Variants in ATRNL1 observed in about 807,000 individuals in gnomAD.
ATRNL1 encodes the protein attractin like 1.
ATRNL1 carries 95 observed loss-of-function variants against 182.7 expected under a neutral mutation model. The ratio of observed to expected loss-of-function variants is 0.52; its 90% confidence interval spans 0.44 to 0.62. ATRNL1 has a LOEUF of 0.62. Among genes scored for constraint, ATRNL1 ranks in the 20% least tolerant of loss-of-function variants. The pLI is 0.00. For missense variants in ATRNL1, 1,471 were observed against 1,679.5 expected, an observed-to-expected ratio of 0.88 and a Z score of 2.17; for synonymous variants, 576 against 568.3, an observed-to-expected ratio of 1.01 and a Z score of -0.19.
At chr10:115,856,318 C>A (rs1951179942) in intron 28 of ATRNL1, among the ~76,000 whole-genome samples, 1 of 149,084 alleles carries the variant, frequency 6.7e-6, no homozygotes, top group Admixed American at 6.8e-5. Flanking sequence ...ATCCCAGCTA[C>A]TGGGGAGGCT....
At chr10:115,731,484 T>G (rs1034290684) in intron 27 of ATRNL1, among the ~76,000 whole-genome samples, 1 of 152,104 alleles carries the variant, frequency 6.6e-6, no homozygotes, top group African/African-American at 2.4e-5. Flanking sequence ...ATGCCTCTAT[T>G]TCTTTTGTAT....
At chr10:115,103,792 T>C (rs782146947) in intron 1 of ATRNL1, among the ~76,000 whole-genome samples, 24 of 152,222 alleles carry the variant, frequency 1.6e-4, no homozygotes, top group Non-Finnish European at 3.5e-4. Context: ...GAAAATGCAA[T>C]GTTTGTCTTT....
chr10:115,867,734 T>TTTC (rs1173318026), intron 28 of ATRNL1, among the ~76,000 whole-genome samples: 32 of 144,420 alleles, frequency 2.2e-4, no homozygotes, highest in Non-Finnish European at 4.4e-4. Flanking sequence ...CTGTGAATTT[T>TTTC]TTTTTTTTTT....
chr10:115,578,145 T>C (rs1734044864), intron 26 of ATRNL1, among the ~76,000 whole-genome samples: 2 of 151,802 alleles, frequency 1.3e-5, no homozygotes, highest in Non-Finnish European at 3.0e-5. Context: ...TGTTGTTGTA[T>C]TTAGTTTGCG....
At chr10:115,660,922 T>C (rs1860643487) in intron 26 of ATRNL1, among the ~76,000 whole-genome samples, 1 of 152,072 alleles carries the variant, frequency 6.6e-6, no homozygotes, top group African/African-American at 2.4e-5. Context: ...GTTTAAATGC[T>C]GATGGAGACA....
At chr10:115,225,161 TA>T (rs1170464014) in intron 9 of ATRNL1, among the ~76,000 whole-genome samples, 2 of 152,040 alleles carry the variant, frequency 1.3e-5, no homozygotes, top group Non-Finnish European at 2.9e-5. Context: ...TCAAAGAATA[TA>T]ATGTTACTTA....
chr10:115,921,368 T>C (rs781868730), intron 28 of ATRNL1, among the ~76,000 whole-genome samples: 3 of 152,154 alleles, frequency 2.0e-5, no homozygotes, highest in Non-Finnish European at 4.4e-5. Flanking sequence ...CTAAAATGTA[T>C]TAAAGGATAA....
chr10:115,547,706 T>C (rs1852748739), intron 25 of ATRNL1, among the ~76,000 whole-genome samples: 1 of 152,084 alleles, frequency 6.6e-6, no homozygotes, highest in South Asian at 2.1e-4. Flanking sequence ...CAAAACAAAA[T>C]GAAAGAAAGT....
At chr10:115,269,889 T>G (rs2133891521) in intron 13 of ATRNL1, among the ~76,000 whole-genome samples, 1 of 130,312 alleles carries the variant, frequency 7.7e-6, no homozygotes, top group East Asian at 2.1e-4. Context: ...TGACTTTAAT[T>G]TTCAGAACTT....
At chr10:115,654,118 A>G (rs769325072) in intron 26 of ATRNL1, among the ~76,000 whole-genome samples, 15 of 152,120 alleles carry the variant, frequency 9.9e-5, no homozygotes, top group Admixed American at 4.6e-4. Flanking sequence ...TGAAATATTC[A>G]TTATTGACAT....
chr10:115,478,358 T>C (rs1848622135), intron 24 of ATRNL1, among the ~76,000 whole-genome samples: 1 of 151,684 alleles, frequency 6.6e-6, no homozygotes, highest in African/African-American at 2.4e-5. Flanking sequence ...TCACTAGTTG[T>C]TGGCAGAGTT....
chr10:115,814,267 T>C (rs1391037955), intron 27 of ATRNL1, among the ~76,000 whole-genome samples: 2 of 152,134 alleles, frequency 1.3e-5, no homozygotes, highest in African/African-American at 2.4e-5. Flanking sequence ...AATAACTGTA[T>C]TGAAGAAAAT....
chr10:115,380,076 C>T (rs1052458288), intron 19 of ATRNL1, among the ~76,000 whole-genome samples: 1 of 152,138 alleles, frequency 6.6e-6, no homozygotes, highest in Non-Finnish European at 1.5e-5. Context: ...GTGATCCGCC[C>T]GCCTCAGCCT....
chr10:115,588,452 A>G (rs1171875233), intron 26 of ATRNL1, among the ~76,000 whole-genome samples: 2 of 152,234 alleles, frequency 1.3e-5, no homozygotes, highest in African/African-American at 4.8e-5. Flanking sequence ...CCAAAACTTT[A>G]GTAAGATGGC....
intron 21 of ATRNL1, among the ~76,000 whole-genome samples, chr10:115,431,172 C>T (rs782337575): frequency 6.6e-5 from 10 of 151,914 alleles, no homozygotes; most frequent in South Asian, 4.1e-4. Flanking sequence ...TTTGGGAGGC[C>T]GAGGCGGGCG....
At chr10:115,745,894 G>T (rs2907538) in intron 27 of ATRNL1, among the ~76,000 whole-genome samples, 144,470 of 152,040 alleles carry the variant, frequency 0.95, 69,053 homozygotes, top group East Asian at 1. Context: ...AATACTAGGG[G>T]TGGGGAATAT....
At chr10:115,538,160 A>G (rs558068146) in intron 25 of ATRNL1, among the ~76,000 whole-genome samples, 2 of 152,354 alleles carry the variant, frequency 1.3e-5, no homozygotes, top group South Asian at 4.1e-4. Flanking sequence ...GCTGTGATCA[A>G]CATACATACA....
At chr10:115,630,519 C>A (rs112488751) in intron 26 of ATRNL1, among the ~76,000 whole-genome samples, 5,193 of 151,528 alleles carry the variant, frequency 0.034, 260 homozygotes, top group African/African-American at 0.12. Context: ...GGTATATATT[C>A]AAAGAAATTG....
At chr10:115,279,201 CAAA>C (rs1156356544) in intron 13 of ATRNL1, among the ~76,000 whole-genome samples, 3 of 109,398 alleles carry the variant, frequency 2.7e-5, no homozygotes, top group Non-Finnish European at 4.0e-5. Flanking sequence ...GACTCTGTCT[CAAA>C]AAAAAAAAAA....
Sources: gnomAD v4.1 joint callset for allele counts (sites outside exome capture counted in the v4.1 genomes callset) on GRCh38, gnomAD v4.1.1 for gene constraint, MANE v1.5 for transcripts, NCBI Gene and HGNC (gene_info 2026-07-23, HGNC 2026-07-21) for gene names.